Variants in EPM2A observed in about 807,000 individuals in gnomAD.
The protein encoded by EPM2A is EPM2A glucan phosphatase, laforin.
Under a neutral mutation model 26.5 loss-of-function variants are expected in EPM2A, and 21 were observed. The ratio of observed to expected loss-of-function variants is 0.79; its 90% CI spans 0.56 to 1.14. EPM2A has a LOEUF of 1.14. EPM2A is among the 50% of genes most tolerant of loss of function. EPM2A has a pLI of 0.00. For synonymous variants in EPM2A, 217 were observed against 177.6 expected (o/e 1.22, Z -1.76); for missense variants, 458 against 440.8 (o/e 1.04, Z -0.35).
intron 2 of EPM2A, among the ~76,000 whole-genome samples, chr6:145,525,155 T>G (rs116206784): frequency 0.023 from 3,547 of 152,230 alleles, 51 homozygotes; most frequent in Admixed American, 0.044. Context: ...AATACCATGC[T>G]GTATTGTTTA....
chr6:145,493,637 C>T (rs186248645), intron 4 of EPM2A, among the ~76,000 whole-genome samples: 279 of 152,234 alleles, frequency 1.8e-3, no homozygotes, highest in African/African-American at 6.1e-3. Context: ...TCATATATGG[C>T]TCTTGTTATT....
At chr6:145,546,543 T>A (rs902686031) in intron 2 of EPM2A, among the ~76,000 whole-genome samples, 2 of 152,128 alleles carry the variant, frequency 1.3e-5, no homozygotes, top group African/African-American at 4.8e-5. Flanking sequence ...CCAGTCAAGT[T>A]GACACCTAAA....
chr6:145,588,122 C>A (rs1033824709), intron 2 of EPM2A, among the ~76,000 whole-genome samples: 2 of 152,078 alleles, frequency 1.3e-5, no homozygotes, highest in African/African-American at 4.8e-5. Context: ...TACACAGATG[C>A]CTGGAATGTC....
intron 4 of EPM2A, among the ~76,000 whole-genome samples, chr6:145,387,059 C>T (rs781303556): frequency 2.0e-5 from 3 of 152,042 alleles, no homozygotes; most frequent in Non-Finnish European, 4.4e-5. Context: ...TGGCCAAACC[C>T]AAGGGAAATA....
rs573679247 is a variant in EPM2A, at chr6:145,454,206, T to C, written c.555+48316A>G. The stretch of plus-strand genomic sequence containing the variant: ...ATGGTAGATTAGTCACACAGAATAA[T>C]CTTCCCAAGTGCCGGAAGTGGTGGA... On this transcript the variant is annotated intron_variant, in intron 4 of 4. Transcript: ENST00000638717. Among the ~76,000 whole-genome samples, 18 of 152,338 alleles carry C rather than the reference T, an allele frequency of 1.2e-4. No individual in the cohort carries two copies. The South Asian group carries it at 3.7e-3, about 32-fold the overall frequency.
At chr6:145,690,393 C>T (rs1486287794) in intron 1 of EPM2A, among the ~76,000 whole-genome samples, 2 of 151,172 alleles carry the variant, frequency 1.3e-5, no homozygotes, top group Admixed American at 1.3e-4. Context: ...GCCTGTAGTC[C>T]CAGCTACTCG....
intron 2 of EPM2A, among the ~76,000 whole-genome samples, chr6:145,609,279 G>T (rs1031886331): frequency 2.0e-5 from 3 of 152,126 alleles, no homozygotes; most frequent in Non-Finnish European, 4.4e-5. Flanking sequence ...TAAGTCAGCC[G>T]CCAATAATCT....
At chr6:145,509,474 A>G (rs1381806031) in intron 2 of EPM2A, among the ~76,000 whole-genome samples, 1 of 152,228 alleles carries the variant, frequency 6.6e-6, no homozygotes, top group African/African-American at 2.4e-5. Context: ...CAAGAATTTC[A>G]TATTCCACCA....
chr6:145,489,055 T>A (rs2114739797), intron 4 of EPM2A, among the ~76,000 whole-genome samples: 1 of 152,288 alleles, frequency 6.6e-6, no homozygotes, highest in Non-Finnish European at 1.5e-5. Flanking sequence ...GGATTTTCTT[T>A]TCTTAACATT....
intron 2 of EPM2A, among the ~76,000 whole-genome samples, chr6:145,603,076 A>G (rs554313765): frequency 1.3e-3 from 198 of 152,284 alleles, no homozygotes; most frequent in African/African-American, 4.7e-3. Flanking sequence ...ACAGAATAAC[A>G]GGAGTCTTCA....
At chr6:145,618,408 T>A (rs1418316330) in intron 2 of EPM2A, among the ~76,000 whole-genome samples, 1 of 152,208 alleles carries the variant, frequency 6.6e-6, no homozygotes, top group Non-Finnish European at 1.5e-5. Context: ...CCCTCATATG[T>A]CTGATATGGT....
chr6:145,417,817 C>A (rs1046859251), intron 4 of EPM2A, among the ~76,000 whole-genome samples: 2 of 152,100 alleles, frequency 1.3e-5, no homozygotes, highest in African/African-American at 2.4e-5. Context: ...ATGGTCACAA[C>A]CTTCTAGGCT....
At chr6:145,678,350 A>C (rs1302965284) in intron 2 of EPM2A, among the ~76,000 whole-genome samples, 7 of 152,176 alleles carry the variant, frequency 4.6e-5, no homozygotes, top group African/African-American at 7.2e-5. Context: ...GCAAGGACTT[A>C]ATGATGAAAA....
chr6:145,592,702 G>C (rs976598651), intron 2 of EPM2A, among the ~76,000 whole-genome samples: 14 of 151,984 alleles, frequency 9.2e-5, no homozygotes, highest in Admixed American at 2.6e-4. Context: ...ATCTCATTGT[G>C]GTTTTGATTT....
At chr6:145,565,081 C>T (rs1379195888) in intron 2 of EPM2A, among the ~76,000 whole-genome samples, 1 of 152,158 alleles carries the variant, frequency 6.6e-6, no homozygotes, top group Non-Finnish European at 1.5e-5. Context: ...TCTGTCTCAT[C>T]TAAATTTTGA....
chr6:145,509,107 T>C (rs1231167702), intron 2 of EPM2A, among the ~76,000 whole-genome samples: 1 of 152,174 alleles, frequency 6.6e-6, no homozygotes, highest in Non-Finnish European at 1.5e-5. Flanking sequence ...CAATGAAACC[T>C]ATGACTTGTT....
chr6:145,627,795 G>A (rs957197554), intron 3 of EPM2A, 102 bp from the exon 4 acceptor site: 2 of 1,499,588 alleles, frequency 1.3e-6, no homozygotes, highest in African/African-American at 1.4e-5. Context: ...GCTGCACAGG[G>A]CCAGGCAGGG....
intron 2 of EPM2A, among the ~76,000 whole-genome samples, chr6:145,517,608 A>G (rs927600209): frequency 1.3e-5 from 2 of 152,210 alleles, no homozygotes; most frequent in Non-Finnish European, 2.9e-5. Context: ...ATAGACATAC[A>G]TTACTTCTGT....
chr6:145,484,316 TTC>T (rs1252756337), intron 4 of EPM2A, among the ~76,000 whole-genome samples: 2 of 151,934 alleles, frequency 1.3e-5, no homozygotes, highest in Admixed American at 6.6e-5. Context: ...ACTCATGATT[TTC>T]TGTTTTTTTT....
Sources: gnomAD v4.1 joint callset for allele counts (sites outside exome capture counted in the v4.1 genomes callset) on GRCh38, gnomAD v4.1.1 for gene constraint, MANE v1.5 for transcripts, NCBI Gene and HGNC (gene_info 2026-07-23, HGNC 2026-07-21) for gene names.